The following BCAT1 variants were observed in gnomAD, a reference collection of about 807,000 sequenced individuals.
BCAT1 encodes the protein branched chain amino acid transaminase 1, also known as branched-chain-amino-acid aminotransferase, cytosolic.
BCAT1 carries 48 observed loss-of-function variants against 52.4 expected under a neutral mutation model. The observed-to-expected ratio is 0.92, with a 90% CI of 0.73 to 1.16. The LOEUF (loss-of-function observed/expected upper bound fraction) is 1.16, where lower values mean the gene tolerates loss of function less well. Ranked by LOEUF, BCAT1 falls within the 50% of genes most tolerant of loss-of-function variation. The pLI, the probability that BCAT1 is intolerant of heterozygous loss-of-function variation, is 0.00. For synonymous variants in BCAT1, 167 were observed against 161.3 expected (o/e 1.04, Z -0.27); for missense variants, 451 against 457.1 (o/e 0.99, Z 0.12).
chr12:24,949,149 A>C, upstream of BCAT1: 1 of 586,542 alleles, frequency 1.7e-6, no homozygotes, highest in Non-Finnish European at 3.0e-6. Context: ...GGATTGCATC[A>C]GCAGGAAGAC....
chr12:24,899,017 A>G (rs1377024230), intron 2 of BCAT1, among the ~76,000 whole-genome samples: 1 of 152,214 alleles, frequency 6.6e-6, no homozygotes, highest in Non-Finnish European at 1.5e-5. Flanking sequence ...AAATCTAATA[A>G]AGAGGATCAT....
chr12:24,909,182 C>T (rs1472863907), intron 1 of BCAT1, among the ~76,000 whole-genome samples: 1 of 151,886 alleles, frequency 6.6e-6, no homozygotes, highest in East Asian at 1.9e-4. Context: ...AATAAAGTTT[C>T]TTTAAAAAAA....
At chr12:24,882,390 GA>G (rs1942529596) in intron 3 of BCAT1, among the ~76,000 whole-genome samples, 1 of 151,724 alleles carries the variant, frequency 6.6e-6, no homozygotes, top group Non-Finnish European at 1.5e-5. Context: ...ACTTACATGG[GA>G]AAAAAAGAAA....
Position 24,832,850 on chromosome 12 carries a change from A to G in BCAT1, c.917T>C (p.Val306Ala). The change falls in exon 9 of 11, where the codon GTG (valine) becomes GCG (alanine). Residue 306 changes from valine (V) to alanine (A), a missense_variant. Coordinates refer to ENST00000261192, the MANE Select transcript of BCAT1 (RefSeq NM_005504.7). ...ATCCATGGTGAGGTATCTCTCTGAC[A>G]CCTTAAATTCACCCTGCATGGAATA... ...DLAHQWGEFK[V>A]SERYLTMDDL... The G allele has an allele frequency of 3.1e-6, 5 of 1,610,326 alleles. No homozygotes were observed. The highest frequency in any genetic ancestry group is 4.2e-6 in the Non-Finnish European group (5 of 1,178,536).
chr12:24,935,271 A>C (rs1370759653), intron 1 of BCAT1, among the ~76,000 whole-genome samples: 1 of 152,198 alleles, frequency 6.6e-6, no homozygotes, highest in Non-Finnish European at 1.5e-5. Context: ...GAAAAATATG[A>C]TTTGTCCTCA....
intron 1 of BCAT1, among the ~76,000 whole-genome samples, chr12:24,943,806 A>G (rs1456515450): frequency 9.3e-5 from 14 of 151,250 alleles, no homozygotes; most frequent in Non-Finnish European, 1.5e-4. Flanking sequence ...AACATGGTGA[A>G]ACCCCGTCTC....
In BCAT1 at chr12:24,943,808, C is replaced by CT. The variant is rs778799579; in HGVS notation, c.6+5118_6+5119insA. ...GACCTTCCTGGCTAACATGGTGAAA[C>CT]CCCGTCTCTACAAAAAATACAAAAA... On this transcript the variant is annotated intron_variant, in intron 1 of 10. Coordinates refer to ENST00000261192, the MANE Select transcript of BCAT1 (RefSeq NM_005504.7). 1.4e-4 allele frequency among the ~76,000 whole-genome samples: 21 copies of CT among 151,822 alleles called. 1 individual carries two copies. The highest frequency in any genetic ancestry group is 3.1e-4 in the Non-Finnish European group (21 of 67,984).
intron 3 of BCAT1, among the ~76,000 whole-genome samples, chr12:24,886,469 A>G (rs1942664351): frequency 1.3e-5 from 2 of 152,204 alleles, no homozygotes; most frequent in South Asian, 2.1e-4. Context: ...TGTTATTTCA[A>G]GTAAAAACGG....
intron 3 of BCAT1, among the ~76,000 whole-genome samples, chr12:24,892,761 G>A (rs1257268179): frequency 2.6e-5 from 4 of 152,214 alleles, no homozygotes; most frequent in Admixed American, 6.5e-5. Context: ...GCTGAGGTAC[G>A]AGGTTTGCTT....
intron 6 of BCAT1, 40 bp downstream of exon 6, chr12:24,849,746 A>G (rs1941448620): frequency 6.4e-7 from 1 of 1,569,512 alleles, no homozygotes; most frequent in Non-Finnish European, 8.7e-7. Flanking sequence ...AATGGTCATG[A>G]AGGTGTCTTT....
intron 1 of BCAT1, among the ~76,000 whole-genome samples, chr12:24,907,338 AT>A: frequency 6.6e-6 from 1 of 152,312 alleles, no homozygotes; most frequent in East Asian, 1.9e-4. Context: ...TAATGGTAAT[AT>A]TTTATTCTAA....
chr12:24,881,152 C>T, intron 4 of BCAT1, 149 bp downstream of exon 4: 1 of 585,386 alleles, frequency 1.7e-6, no homozygotes, highest in Non-Finnish European at 2.8e-6. Context: ...TGTATTTTTA[C>T]CTAACTAAAG....
At chr12:24,926,533 G>A (rs896853687) in intron 1 of BCAT1, among the ~76,000 whole-genome samples, 24 of 152,260 alleles carry the variant, frequency 1.6e-4, no homozygotes, top group African/African-American at 5.8e-4. Context: ...GAAATGTGGG[G>A]AAAAGATAGA....
chr12:24,943,871 C>A (rs1289706626), intron 1 of BCAT1, among the ~76,000 whole-genome samples: 2 of 152,000 alleles, frequency 1.3e-5, no homozygotes, highest in African/African-American at 2.4e-5. Flanking sequence ...GTAGTCCCAG[C>A]TACTCAGGAA....
chr12:24,895,354 G>A (rs536420933), intron 2 of BCAT1, among the ~76,000 whole-genome samples: 5 of 151,932 alleles, frequency 3.3e-5, no homozygotes, highest in African/African-American at 4.8e-5. Flanking sequence ...GTGAAACCCC[G>A]TCTCTACTAA....
At chr12:24,916,289 C>T (rs1046268075) in intron 1 of BCAT1, among the ~76,000 whole-genome samples, 86 of 152,328 alleles carry the variant, frequency 5.6e-4, no homozygotes, top group African/African-American at 2.0e-3. Flanking sequence ...GTCCCTGGGC[C>T]TGTCAGAAAG....
chr12:24,941,460 C>T (rs1481601307), intron 1 of BCAT1, among the ~76,000 whole-genome samples: 1 of 152,012 alleles, frequency 6.6e-6, no homozygotes, highest in Non-Finnish European at 1.5e-5. Context: ...CAAAGAAATC[C>T]AAGTGTGGAA....
At chr12:24,891,674 C>T (rs1023156163) in intron 3 of BCAT1, among the ~76,000 whole-genome samples, 9 of 151,552 alleles carry the variant, frequency 5.9e-5, no homozygotes, top group East Asian at 1.9e-4. Context: ...TTAAACTACC[C>T]TAATTACAAA....
chr12:24,917,461 C>G (rs1037820580), intron 1 of BCAT1, among the ~76,000 whole-genome samples: 4 of 152,162 alleles, frequency 2.6e-5, no homozygotes, highest in African/African-American at 9.7e-5. Context: ...GGATTACAGG[C>G]GTGAGCCACT....
Sources: allele counts gnomAD v4.1 joint callset (sites outside exome capture counted in the v4.1 genomes callset), GRCh38; gene constraint gnomAD v4.1.1; transcripts MANE v1.5; gene names NCBI Gene and HGNC (gene_info 2026-07-23, HGNC 2026-07-21).